Variants in ASXL2 observed in about 807,000 individuals in gnomAD.
ASXL2 encodes ASXL transcriptional regulator 2.
In ASXL2, 23 loss-of-function variants were observed where a neutral mutation model predicts 122.0. The observed-to-expected ratio is 0.19, with a 90% CI of 0.14 to 0.27. The LOEUF is 0.27. Among genes scored for constraint, ASXL2 ranks in the 10% least tolerant of loss-of-function variants. The probability of loss-of-function intolerance (pLI) is 1.00; values close to 1 mark genes in which losing one functional copy is unlikely to be tolerated. For synonymous variants in ASXL2, 650 were observed against 637.0 expected, an observed-to-expected ratio of 1.02 and a Z score of -0.31; for missense variants, 1,518 against 1,713.8, an observed-to-expected ratio of 0.89 and a Z score of 2.02.
intron 3 of ASXL2, chr2:25,810,649 C>T: frequency 1.3e-6 from 1 of 783,828 alleles, no homozygotes; most frequent in Admixed American, 1.8e-5. Flanking sequence ...AGTGGTGATC[C>T]CAGCCATGGT....
intron 2 of ASXL2, 119 bp downstream of exon 2, chr2:25,845,362 T>C: frequency 2.2e-6 from 3 of 1,374,634 alleles, no homozygotes; most frequent in Non-Finnish European, 3.0e-6. Flanking sequence ...TGACATCTGA[T>C]CAGAACAAAG....
intron 5 of ASXL2, among the ~76,000 whole-genome samples, chr2:25,776,389 G>A (rs542639133): frequency 8.8e-4 from 134 of 152,152 alleles, no homozygotes; most frequent in African/African-American, 2.9e-3. Context: ...CTTATGTCAC[G>A]TTTTGTCTAT....
chr2:25,850,145 A>G (rs1328705068), intron 1 of ASXL2, among the ~76,000 whole-genome samples: 1 of 151,812 alleles, frequency 6.6e-6, no homozygotes, highest in Non-Finnish European at 1.5e-5. Context: ...CATTTCATTC[A>G]TTATTATTGT....
At chr2:25,782,857 G>A (rs1480076544) in intron 5 of ASXL2, among the ~76,000 whole-genome samples, 13 of 152,202 alleles carry the variant, frequency 8.5e-5, no homozygotes, top group Admixed American at 8.5e-4. Context: ...GCTGGGCATG[G>A]TGGCTCACGC....
chr2:25,759,530 T>C lies in ASXL2; in HGVS notation c.891A>G (p.Gly297=), dbSNP rs2088202984. 6.2e-7 allele frequency: 1 copy of C among 1,614,002 alleles called. No homozygotes were observed. Among genetic ancestry groups the C allele is most frequent in the Non-Finnish European group, 8.5e-7 (1 of 1,179,898 alleles). Residue 297 remains glycine, a synonymous_variant, in exon 9 of 13, where the codon GGA becomes GGG. Transcript: ENST00000435504. The part of the protein sequence containing the change: ...INKHTFSVLP[G]DCQQRLLLLL... ...GTAAAAGCAGTCGTTGCTGGCAATCTCCAGGAAGGACTGAAAATGTGTGCT... is the reference window on the plus strand; with the variant it reads ...GTAAAAGCAGTCGTTGCTGGCAATCCCCAGGAAGGACTGAAAATGTGTGCT...
chr2:25,762,045 A>G lies in ASXL2; in HGVS notation c.776-2400T>C, dbSNP rs146298822. ...GAGGTTAAAAACAAAATACAAAAAA[A>G]AGACAATAATATTTATTTAAGTCTA... On this transcript the variant is annotated intron_variant, in intron 8 of 12. Coordinates refer to ENST00000435504, the MANE Select transcript of ASXL2 (RefSeq NM_018263.6). Among the ~76,000 whole-genome samples the G allele has an allele frequency of 6.1e-3, 925 of 152,222 alleles. 7 individuals carry two copies. The highest frequency in any genetic ancestry group is 0.014 in the South Asian group (67 of 4,828).
intron 1 of ASXL2, among the ~76,000 whole-genome samples, chr2:25,846,006 T>G (rs1257143625): frequency 6.6e-6 from 1 of 152,120 alleles, no homozygotes; most frequent in Non-Finnish European, 1.5e-5. Flanking sequence ...TGGCCTGGCC[T>G]GGGGAGGAAA....
intron 3 of ASXL2, among the ~76,000 whole-genome samples, chr2:25,824,575 G>A (rs942543452): frequency 8.5e-5 from 13 of 152,152 alleles, no homozygotes; most frequent in African/African-American, 2.2e-4. Context: ...AGCCATATTT[G>A]CAATTTTGCT....
intron 5 of ASXL2, among the ~76,000 whole-genome samples, chr2:25,783,719 C>T (rs544614892): frequency 6.6e-6 from 1 of 151,846 alleles, no homozygotes; most frequent in East Asian, 1.9e-4. Flanking sequence ...CACTTGAGTT[C>T]GAGACCAGCC....
At chr2:25,830,599 C>G (rs1348440646) in intron 3 of ASXL2, among the ~76,000 whole-genome samples, 1 of 149,002 alleles carries the variant, frequency 6.7e-6, no homozygotes, top group East Asian at 2.0e-4. Context: ...GCTCTCCAGC[C>G]TGGGCGACGG....
intron 2 of ASXL2, among the ~76,000 whole-genome samples, chr2:25,843,814 TAAAAA>T (rs541446675): frequency 1.2e-5 from 1 of 86,546 alleles, no homozygotes; most frequent in Non-Finnish European, 2.3e-5. Flanking sequence ...CTCCATCTCT[TAAAAA>T]AAAAAAAAAA....
In ASXL2 at chr2:25,741,003, GAA is replaced by G. The variant is rs1316053302; in HGVS notation, c.*1024_*1025del. The G allele has an allele frequency of 8.9e-5, 17 of 190,782 alleles. No individual in the cohort carries two copies. In the East Asian group the frequency reaches 1.4e-3, roughly 16 times the overall value. The allele number at this position is 190,782 out of a possible 1,614,324, so 11.8% of individuals were successfully genotyped here. A position where few individuals can be genotyped will look rare whatever the true frequency, so the allele number is the denominator to read the frequency against. On this transcript the variant is annotated 3_prime_UTR_variant, in exon 13 of 13. Coordinates refer to ENST00000435504, the MANE Select transcript of ASXL2 (RefSeq NM_018263.6). ...AGGTTAACAGGTTGGGAGAGAAGAG[GAA>G]AAGAGAAGCGACCTTGTTCTAGTGT...
chr2:25,761,438 G>C (rs1487452014), intron 8 of ASXL2, among the ~76,000 whole-genome samples: 1 of 152,150 alleles, frequency 6.6e-6, no homozygotes, highest in Non-Finnish European at 1.5e-5. Context: ...ACTCTGGGAG[G>C]CCGAGGCAGG....
intron 3 of ASXL2, among the ~76,000 whole-genome samples, chr2:25,831,302 CAA>C (rs943377385): frequency 2.7e-4 from 17 of 62,454 alleles, no homozygotes; most frequent in Admixed American, 3.6e-4. Context: ...GACTCCGTCT[CAA>C]AAAAAAAAAA....
At chr2:25,807,908 C>T (rs995034218) in intron 3 of ASXL2, among the ~76,000 whole-genome samples, 1 of 151,710 alleles carries the variant, frequency 6.6e-6, no homozygotes, top group Middle Eastern at 3.4e-3. Flanking sequence ...TTCTCACTTT[C>T]AGTCATGTGG....
intron 5 of ASXL2, among the ~76,000 whole-genome samples, chr2:25,797,981 C>G (rs2088935218): frequency 6.6e-6 from 1 of 152,208 alleles, no homozygotes; most frequent in South Asian, 2.1e-4. Context: ...TTGGAAGCAA[C>G]CAAGATGTCC....
At chr2:25,868,591 G>T (rs1006407203) in intron 1 of ASXL2, among the ~76,000 whole-genome samples, 1 of 152,216 alleles carries the variant, frequency 6.6e-6, no homozygotes, top group South Asian at 2.1e-4. Context: ...AGGTCCAAAT[G>T]TAACTCAAAA....
chr2:25,868,698 T>G (rs1177718631), intron 1 of ASXL2, among the ~76,000 whole-genome samples: 1 of 152,180 alleles, frequency 6.6e-6, no homozygotes, highest in African/African-American at 2.4e-5. Flanking sequence ...CAATACTTAA[T>G]ATATTTGACT....
intron 1 of ASXL2, among the ~76,000 whole-genome samples, chr2:25,877,157 T>C (rs764935610): frequency 3.3e-5 from 5 of 152,228 alleles, no homozygotes; most frequent in Non-Finnish European, 5.9e-5. Context: ...GGCTACGTTG[T>C]CGAAGTATTA....
Sources: gnomAD v4.1 joint callset for allele counts (sites outside exome capture counted in the v4.1 genomes callset) on GRCh38, gnomAD v4.1.1 for gene constraint, MANE v1.5 for transcripts, NCBI Gene and HGNC (gene_info 2026-07-23, HGNC 2026-07-21) for gene names.